Variants in FHAD1 observed in about 807,000 individuals in gnomAD.
The protein encoded by FHAD1 is forkhead associated phosphopeptide binding domain 1.
A neutral mutation model predicts 191.3 loss-of-function variants in FHAD1; 146 were observed. The ratio of observed to expected loss-of-function variants is 0.76; its 90% CI spans 0.67 to 0.88. The LOEUF is 0.88. Among genes scored for constraint, FHAD1 ranks in the 40% least tolerant of loss-of-function variants. The pLI is 0.00. For synonymous variants in FHAD1, 616 were observed against 672.3 expected (o/e 0.92, Z 1.29); for missense variants, 1,635 against 1,785.8 (o/e 0.92, Z 1.52).
At chr1:15,273,314 A>G (rs1351365531) in intron 3 of FHAD1, among the ~76,000 whole-genome samples, 1 of 152,310 alleles carries the variant, frequency 6.6e-6, no homozygotes. Flanking sequence ...GTGGATAACT[A>G]TGCTGCTTTT....
intron 2 of FHAD1, 52 bp downstream of exon 2, chr1:15,251,929 CCTCT>C: frequency 1.4e-6 from 2 of 1,438,314 alleles, no homozygotes; most frequent in Non-Finnish European, 1.9e-6. Context: ...CTTCCTTCTC[CCTCT>C]CTAACAGTCC....
upstream of FHAD1, among the ~76,000 whole-genome samples, chr1:15,242,775 C>G (rs1645537815): frequency 6.6e-6 from 1 of 152,096 alleles, no homozygotes; most frequent in Admixed American, 6.6e-5. Context: ...TGTTTGTGAC[C>G]TGGGTTGAGA....
Position 15,322,206 on chromosome 1 carries a change from C to T in FHAD1, c.1366-2246C>T, listed in dbSNP as rs992986535. Among the ~76,000 whole-genome samples, 5 of 152,142 alleles carry T rather than the reference C, an allele frequency of 3.3e-5. No individual in the cohort carries two copies. In the South Asian group the frequency reaches 6.2e-4, roughly 19 times the overall value. On this transcript the variant is annotated intron_variant, in intron 10 of 33. Transcript: ENST00000688493. ...GTTTTGGAGTGTGGGCTGTGTACTA[C>T]CTAGGCAGTGGGGAGCTACTGAGGC...
At chr1:15,258,061 C>G (rs1419551718) in intron 2 of FHAD1, among the ~76,000 whole-genome samples, 1 of 152,092 alleles carries the variant, frequency 6.6e-6, no homozygotes, top group African/African-American at 2.4e-5. Flanking sequence ...AGGCTGGTCT[C>G]GAACTCCCTA....
intron 16 of FHAD1, among the ~76,000 whole-genome samples, chr1:15,344,558 A>G (rs567272488): frequency 6.6e-6 from 1 of 152,346 alleles, no homozygotes; most frequent in South Asian, 2.1e-4. Flanking sequence ...GTGTTCCAAT[A>G]AAACTTTATT....
chr1:15,376,769 C>T (rs143179471), intron 28 of FHAD1, among the ~76,000 whole-genome samples: 26 of 152,314 alleles, frequency 1.7e-4, no homozygotes, highest in African/African-American at 6.3e-4. Flanking sequence ...GGTGTGGTGG[C>T]TCACGCCCAT....
intron 9 of FHAD1, among the ~76,000 whole-genome samples, chr1:15,317,312 A>G (rs1403375957): frequency 6.6e-6 from 1 of 152,236 alleles, no homozygotes; most frequent in African/African-American, 2.4e-5. Context: ...CACCCTGCAC[A>G]TCACCAGGTG....
chr1:15,374,450 G>A, intron 26 of FHAD1, 52 bp from the exon 27 acceptor site: 1 of 1,545,698 alleles, frequency 6.5e-7, no homozygotes, highest in East Asian at 2.5e-5. Context: ...GTGAATGTAA[G>A]AGAAATCTTC....
chr1:15,369,363 ACCCTAGGGCTT>A lies in FHAD1; in HGVS notation c.3315-3_3322del. ...ACCTCGTGCCATCCTCCTCTTCTCT[ACCCTAGGGCTT>A]CCCAAGAGAAACACAGACTCCAGCT... On this transcript the variant is annotated splice_acceptor_variant and splice_polypyrimidine_tract_variant and coding_sequence_variant and intron_variant, in exon 26 of 34. Transcript: ENST00000688493. LOFTEE classifies it high-confidence loss of function. 1 of 1,551,962 alleles carries A rather than the reference ACCCTAGGGCTT, an allele frequency of 6.4e-7. No individual in the cohort carries two copies. Among genetic ancestry groups the A allele is most frequent in the Non-Finnish European group, 8.7e-7 (1 of 1,147,038 alleles).
upstream of FHAD1, among the ~76,000 whole-genome samples, chr1:15,245,025 G>C (rs1043782725): frequency 6.6e-6 from 1 of 152,178 alleles, no homozygotes; most frequent in Admixed American, 6.5e-5. Flanking sequence ...TGATGAGAGA[G>C]GAAGTGAGAG....
At position 15,397,890 on chromosome 1, in the gene FHAD1, T is replaced by G. The variant is rs1437192596; in HGVS notation, c.*477T>G. ...GCTCATGCCTGTAATCTCAGCACTT[T>G]GGGAGGCCGAGGCAGGCGGATTATA... On this transcript the variant is annotated 3_prime_UTR_variant, in exon 34 of 34. Transcript: ENST00000688493. The G allele has an allele frequency of 6.6e-6, 1 of 152,258 alleles. No individual in the cohort carries two copies. The highest frequency in any genetic ancestry group is 1.5e-5 in the Non-Finnish European group (1 of 68,104). The allele number at this position is 152,258 out of a possible 1,614,324, so 9.4% of individuals were successfully genotyped here.
chr1:15,334,748 G>T (rs537830451), intron 14 of FHAD1: 58 of 152,382 alleles, frequency 3.8e-4, no homozygotes, highest in African/African-American at 1.4e-3. Context: ...AGGCAGGTAG[G>T]CATGTGGACC....
In FHAD1 at chr1:15,328,257, C is replaced by CTTTTTCTT; in HGVS notation, c.1558-16_1558-9dup. 2.6e-6 allele frequency: 3 copies of CTTTTTCTT among 1,169,128 alleles called. No individual in the cohort carries two copies. Among genetic ancestry groups the CTTTTTCTT allele is most frequent in the South Asian group, 2.3e-5 (1 of 43,698 alleles). 72.4% of individuals were successfully genotyped at this position (1,169,128 alleles called of 1,614,324 possible). On this transcript the variant is annotated intron_variant, in intron 12 of 33. Coordinates refer to ENST00000688493, the MANE Select transcript of FHAD1 (RefSeq NM_001391957.1). ...ATGTTACATCTTTTTTTTTTTTTTC[C>CTTTTTCTT]TTTTTCTTTTTCTCACCAGTTAATA...
chr1:15,336,312 A>T (rs969154018), intron 14 of FHAD1, among the ~76,000 whole-genome samples: 1 of 152,196 alleles, frequency 6.6e-6, no homozygotes, highest in Non-Finnish European at 1.5e-5. Flanking sequence ...TGCTATTATT[A>T]TAATATTGCT....
intron 26 of FHAD1, among the ~76,000 whole-genome samples, chr1:15,372,494 T>C (rs1456901131): frequency 6.6e-6 from 1 of 152,188 alleles, no homozygotes; most frequent in African/African-American, 2.4e-5. Flanking sequence ...GTCTGTTACC[T>C]GTCTGCCCCA....
At position 15,381,887 on chromosome 1, in the gene FHAD1, C is replaced by T. The variant is rs1304849401; in HGVS notation, c.4023-141C>T. On this transcript the variant is annotated intron_variant, in intron 30 of 33. Coordinates refer to ENST00000688493, the MANE Select transcript of FHAD1 (RefSeq NM_001391957.1). The surrounding 1 kb of genome is among the most constrained non-coding windows in gnomAD (Gnocchi z 4.6). The stretch of plus-strand genomic sequence containing the variant: ...TTCTGCTCTCTGTACCCCAAATCTT[C>T]GTCATGCTCTCCTGCTTGTGATGAC... The T allele has an allele frequency of 4.6e-6, 4 of 878,302 alleles. No individual in the cohort carries two copies. The highest frequency in any genetic ancestry group is 6.1e-4 in the Middle Eastern group (2 of 3,256). 54.4% of individuals were successfully genotyped at this position (878,302 alleles called of 1,614,324 possible).
At chr1:15,380,579 A>G in intron 28 of FHAD1, 122 bp from the exon 29 acceptor site, 1 of 724,302 alleles carries the variant, frequency 1.4e-6, no homozygotes, top group Non-Finnish European at 2.4e-6. Context: ...AATGATCAGG[A>G]CGCGGACTGA....
chr1:15,251,294 ACC>A (rs35907985), intron 1 of FHAD1, among the ~76,000 whole-genome samples: 18,097 of 148,122 alleles, frequency 0.12, 2,524 homozygotes, highest in African/African-American at 0.34. Flanking sequence ...AACAAAAAAA[ACC>A]ACCCATTTTA....
rs1428363297 is a variant in FHAD1, at chr1:15,388,081, G to T, written c.4219G>T (p.Ala1407Ser). Residue 1407 changes from alanine (A) to serine (S), a missense_variant, in exon 32 of 34, where the codon GCA (alanine) becomes TCA (serine). Transcript: ENST00000688493. ...TGTAGAGGAGCACGAACTGAGAAAC[G>T]CAAAAGAATCGACACCTTGCAACTG... is the stretch of plus-strand genomic sequence containing the variant. ...ESVEEHELRN[A>S]KESTPCNCAF... The T allele has an allele frequency of 7.8e-7, 1 of 1,289,874 alleles. No homozygotes were observed. The highest frequency in any genetic ancestry group is 1.0e-6 in the Non-Finnish European group (1 of 988,860). The allele number at this position is 1,289,874 out of a possible 1,614,324, so 79.9% of individuals were successfully genotyped here.
Sources: gnomAD v4.1 joint callset for allele counts (sites outside exome capture counted in the v4.1 genomes callset) on GRCh38, gnomAD v4.1.1 for gene constraint, Gnocchi (gnomAD v3.1) non-coding constraint, MANE v1.5 for transcripts, NCBI Gene and HGNC (gene_info 2026-07-23, HGNC 2026-07-21) for gene names.